Variants in GLB1 observed in about 807,000 individuals in gnomAD.
GLB1 encodes the protein galactosidase beta 1.
In GLB1, 56 loss-of-function variants were observed where a neutral mutation model predicts 74.0. The observed-to-expected ratio is 0.76, with a 90% CI of 0.61 to 0.94. The LOEUF is 0.94. GLB1 is among the 40% of genes least tolerant of loss of function. The pLI is 0.00. For missense variants in GLB1, 787 were observed against 845.5 expected (o/e 0.93, Z 0.86); for synonymous variants, 323 against 323.6 (o/e 1.00, Z 0.02).
chr3:33,034,570 G>C (rs1698191157), intron 10 of GLB1: 1 of 721,082 alleles, frequency 1.4e-6, no homozygotes, highest in African/African-American at 1.7e-5. Context: ...TGTTCATCTG[G>C]ACCTGTGATG....
chr3:33,090,825 GA>G, intron 1 of GLB1: 1 of 985,302 alleles, frequency 1.0e-6, no homozygotes, highest in Non-Finnish European at 1.2e-6. Context: ...TCTGCTAATA[GA>G]AAGCAATCAG....
chr3:33,080,099 T>TGTTG (rs68136249), intron 1 of GLB1, among the ~76,000 whole-genome samples: 66 of 97,422 alleles, frequency 6.8e-4, no homozygotes, highest in African/African-American at 5.1e-3. Context: ...ACTGTTTTTT[T>TGTTG]TTGTTTGTTT....
At chr3:33,072,858 CA>C in intron 1 of GLB1, 145 bp from the exon 2 acceptor site, 1 of 1,353,020 alleles carries the variant, frequency 7.4e-7, no homozygotes, top group Non-Finnish European at 1.0e-6. Context: ...AGCTATCATA[CA>C]AACCATTGCT....
intron 6 of GLB1, among the ~76,000 whole-genome samples, chr3:33,054,798 A>T (rs1699147500): frequency 6.6e-6 from 1 of 152,114 alleles, no homozygotes; most frequent in South Asian, 2.1e-4. Context: ...TCTAAAACAA[A>T]AAAGAATTTC....
the GLB1 span, among the ~76,000 whole-genome samples, chr3:32,971,181 T>C: frequency 5.3e-4 from 81 of 152,328 alleles, no homozygotes; most frequent in Middle Eastern, 3.4e-3. Context: ...CCAAACCAGA[T>C]TGTAAGACAA....
Position 32,996,863 on chromosome 3 carries a change from T to C in GLB1, c.*182A>G, listed in dbSNP as rs76762176. 8.1e-4 allele frequency: 874 copies of C among 1,078,878 alleles called. 7 individuals carry two copies. The African/African-American group carries it at 0.013, about 16-fold the overall frequency. 66.8% of individuals were successfully genotyped at this position (1,078,878 alleles called of 1,614,324 possible). ...TACTGTGCTGTCAGCCCCTCACACA[T>C]TCCAGGTGGTCCCTGAAGGTGGGGC... On this transcript the variant is annotated 3_prime_UTR_variant, in exon 16 of 16. Coordinates refer to ENST00000307363, the MANE Select transcript of GLB1 (RefSeq NM_000404.4).
At chr3:33,089,668 C>T (rs906252076) in intron 1 of GLB1, among the ~76,000 whole-genome samples, 1 of 152,160 alleles carries the variant, frequency 6.6e-6, no homozygotes, top group Non-Finnish European at 1.5e-5. Context: ...ACAAAAACTG[C>T]ATGATTTCAC....
the GLB1 span, among the ~76,000 whole-genome samples, chr3:32,971,441 T>C: frequency 3.9e-5 from 6 of 152,224 alleles, no homozygotes; most frequent in African/African-American, 9.6e-5. Context: ...TTTGCTCAGC[T>C]AGCTGAAAAC....
the GLB1 span, among the ~76,000 whole-genome samples, chr3:32,976,684 T>C: frequency 2.0e-5 from 3 of 152,162 alleles, no homozygotes; most frequent in Admixed American, 2.0e-4. Context: ...CCGTGGAAGC[T>C]TCATGCTTCT....
chr3:32,974,892 C>G, the GLB1 span, among the ~76,000 whole-genome samples: 1 of 152,256 alleles, frequency 6.6e-6, no homozygotes, highest in Non-Finnish European at 1.5e-5. Flanking sequence ...CATCCAGATA[C>G]ACACACACAG....
chr3:32,988,940 C>T, the GLB1 span, among the ~76,000 whole-genome samples: 6 of 128,076 alleles, frequency 4.7e-5, no homozygotes, highest in Non-Finnish European at 7.7e-5. Flanking sequence ...GGTTTGGTTC[C>T]AGGTAATCAC....
downstream of GLB1, among the ~76,000 whole-genome samples, chr3:32,996,350 C>T (rs1381341649): frequency 6.6e-6 from 1 of 152,186 alleles, no homozygotes; most frequent in East Asian, 1.9e-4. Flanking sequence ...TATGTTGAAA[C>T]ACACAAAACG....
At chr3:32,991,685 G>C (rs1696225852), downstream of GLB1, among the ~76,000 whole-genome samples, 1 of 152,214 alleles carries the variant, frequency 6.6e-6, no homozygotes, top group African/African-American at 2.4e-5. Context: ...GTTATAAGAA[G>C]CCTGAGTCAC....
intron 15 of GLB1, among the ~76,000 whole-genome samples, chr3:33,002,478 C>T (rs1696620654): frequency 6.6e-6 from 1 of 151,410 alleles, no homozygotes; most frequent in South Asian, 2.1e-4. Context: ...AGCGATCCTC[C>T]TGTGTCAGCC....
At chr3:33,055,713 T>C (rs1699187056) in intron 6 of GLB1, among the ~76,000 whole-genome samples, 1 of 151,218 alleles carries the variant, frequency 6.6e-6, no homozygotes, top group Non-Finnish European at 1.5e-5. Flanking sequence ...ATGATCCGCC[T>C]GCCTTGGCCT....
intron 5 of GLB1, among the ~76,000 whole-genome samples, chr3:33,062,323 A>G (rs1257743438): frequency 6.6e-6 from 1 of 151,948 alleles, no homozygotes; most frequent in Non-Finnish European, 1.5e-5. Context: ...GCATGGCAGC[A>G]TACTCAGCTA....
intron 6 of GLB1, among the ~76,000 whole-genome samples, chr3:33,055,771 T>G (rs1007412161): frequency 6.6e-6 from 1 of 151,544 alleles, no homozygotes; most frequent in Non-Finnish European, 1.5e-5. Flanking sequence ...TGGGCCCGTT[T>G]TTTTTTTTTA....
chr3:33,006,252 C>T (rs1020355279), intron 15 of GLB1, among the ~76,000 whole-genome samples: 1 of 152,214 alleles, frequency 6.6e-6, no homozygotes, highest in Non-Finnish European at 1.5e-5. Flanking sequence ...GCATTACTGC[C>T]TGAGCGCCAC....
At chr3:33,030,719 AC>A (rs1440260935) in intron 10 of GLB1, 1 of 985,232 alleles carries the variant, frequency 1.0e-6, no homozygotes, top group African/African-American at 1.7e-5. Context: ...CCCAGAATCC[AC>A]TCCAATTATC....
Sources: allele counts gnomAD v4.1 joint callset (sites outside exome capture counted in the v4.1 genomes callset), GRCh38; gene constraint gnomAD v4.1.1; transcripts MANE v1.5; gene names NCBI Gene and HGNC (gene_info 2026-07-23, HGNC 2026-07-21).